The following C16orf87 variants were observed in gnomAD, a reference collection of about 807,000 sequenced individuals.
C16orf87 encodes HDAC and MIER1 interacting protein 1.
Under a neutral mutation model 21.0 loss-of-function variants are expected in C16orf87, and 13 were observed. That is an observed-to-expected ratio of 0.62 (90% confidence interval 0.40 to 0.98). C16orf87 has a LOEUF of 0.98. C16orf87 is among the 50% of genes least tolerant of loss of function. The pLI is 0.00. For missense variants in C16orf87, 113 were observed against 180.4 expected, an observed-to-expected ratio of 0.63 and a Z score of 2.14; for synonymous variants, 49 against 60.2, an observed-to-expected ratio of 0.81 and a Z score of 0.86.
chr16:46,813,145 T>A lies in C16orf87; in HGVS notation c.164-3360A>T, dbSNP rs549759609. On this transcript the variant is annotated intron_variant, in intron 2 of 3. Transcript: ENST00000285697. ...TGATGGCTCCAAAGTTTTCACCTTC[T>A]GCTCTGATTTCTTCCCTAAACTCTA... Among the ~76,000 whole-genome samples, 4 of 152,318 alleles carry A rather than the reference T, an allele frequency of 2.6e-5. No homozygotes were observed. In the South Asian group the frequency reaches 8.3e-4, roughly 32 times the overall value.
chr16:46,804,168 G>A, intron 3 of C16orf87, among the ~76,000 whole-genome samples: 1 of 152,088 alleles, frequency 6.6e-6, no homozygotes, highest in East Asian at 1.9e-4. Context: ...ATGTTTACAC[G>A]TATCAGGTAT....
At chr16:46,828,275 C>T (rs190095196) in intron 1 of C16orf87, among the ~76,000 whole-genome samples, 9 of 152,184 alleles carry the variant, frequency 5.9e-5, no homozygotes, top group Middle Eastern at 3.4e-3. Flanking sequence ...TTACAGAAAA[C>T]TCATTTATAT....
Position 46,798,405 on chromosome 16 carries a change from G to A in C16orf87, c.*4547C>T, listed in dbSNP as rs1464621045. ...CGCCTGTAATTCCAGCTACTCAGGA[G>A]GCTAAGGCAGGAGAATCGCTTGAAC... On this transcript the variant is annotated 3_prime_UTR_variant, in exon 4 of 4. Coordinates refer to ENST00000285697, the MANE Select transcript of C16orf87 (RefSeq NM_001001436.4). 6.6e-6 allele frequency: 1 copy of A among 152,378 alleles called. No homozygotes were observed. The highest frequency in any genetic ancestry group is 1.5e-5 in the Non-Finnish European group (1 of 68,204). The allele number at this position is 152,378 out of a possible 1,614,324, so 9.4% of individuals were successfully genotyped here. A position where few individuals can be genotyped will look rare whatever the true frequency, so the allele number is the denominator to read the frequency against.
intron 2 of C16orf87, among the ~76,000 whole-genome samples, chr16:46,815,537 TC>T (rs1358838207): frequency 6.6e-6 from 1 of 151,782 alleles, no homozygotes; most frequent in Non-Finnish European, 1.5e-5. Flanking sequence ...AATTTACAAG[TC>T]AACAACAACA....
Position 46,799,479 on chromosome 16 carries a change from G to C in C16orf87, c.*3473C>G, listed in dbSNP as rs533252892. The C allele has an allele frequency of 7.9e-5, 12 of 151,932 alleles. No homozygotes were observed. The highest frequency in any genetic ancestry group is 1.6e-4 in the Non-Finnish European group (11 of 67,980). 9.4% of individuals were successfully genotyped at this position (151,932 alleles called of 1,614,324 possible). On this transcript the variant is annotated 3_prime_UTR_variant, in exon 4 of 4. Transcript: ENST00000285697. ...AGGCTAGAAAGACAGAAAATACTAG[G>C]GAAAAAATGCTTTTAACTAGCAAGA...
At chr16:46,825,137 T>G (rs1959565967) in intron 1 of C16orf87, among the ~76,000 whole-genome samples, 1 of 152,244 alleles carries the variant, frequency 6.6e-6, no homozygotes, top group Non-Finnish European at 1.5e-5. Context: ...CCTAAAATGT[T>G]AGTTTGACAG....
At chr16:46,825,372 G>A (rs910941860) in intron 1 of C16orf87, among the ~76,000 whole-genome samples, 7 of 152,196 alleles carry the variant, frequency 4.6e-5, no homozygotes, top group African/African-American at 1.7e-4. Flanking sequence ...AACATGAGAG[G>A]AGAAGATATC....
chr16:46,824,185 A>G (rs1959527167), intron 2 of C16orf87, among the ~76,000 whole-genome samples: 1 of 152,238 alleles, frequency 6.6e-6, no homozygotes, highest in Admixed American at 6.5e-5. Context: ...AAGCGTTATC[A>G]GCATTGTAAG....
intron 3 of C16orf87, chr16:46,808,060 C>T (rs1334604795): frequency 2.2e-6 from 1 of 455,980 alleles, no homozygotes; most frequent in Admixed American, 2.3e-5. Context: ...TCTCTCTTTT[C>T]CTTTTTCTCT....
rs761250530 is a variant in C16orf87, at chr16:46,831,092, C to T, written c.58G>A (p.Asp20Asn). 3.7e-5 allele frequency: 58 copies of T among 1,572,384 alleles called. No individual in the cohort carries two copies. Among genetic ancestry groups the T allele is most frequent in the Admixed American group, 5.3e-5 (3 of 56,344 alleles). ...CGGCCCCCGGCACCCACCTGTTGGT[C>T]GCACTCGGGGCATGATTTGGTGGCC... Reference protein sequence around the residue: ...KMATKSCPECDQQVPVACKSC... With the variant: ...KMATKSCPECNQQVPVACKSC... Residue 20 changes from aspartate to asparagine, a missense_variant, in exon 1 of 4, where the codon GAC becomes AAC. Asp to Asn is a conservative substitution (Grantham distance 23). Coordinates refer to ENST00000285697, the MANE Select transcript of C16orf87 (RefSeq NM_001001436.4).
intron 3 of C16orf87, among the ~76,000 whole-genome samples, chr16:46,804,777 A>G (rs1169368924): frequency 6.6e-6 from 1 of 152,172 alleles, no homozygotes; most frequent in Non-Finnish European, 1.5e-5. Context: ...CTCTACACCT[A>G]CAAGCAACCA....
chr16:46,825,883 T>C (rs896000524), intron 1 of C16orf87, among the ~76,000 whole-genome samples: 21 of 142,970 alleles, frequency 1.5e-4, no homozygotes, highest in Non-Finnish European at 2.6e-4. Flanking sequence ...TATTGCACTC[T>C]AGCCTGGGCA....
chr16:46,825,285 A>C (rs973241031), intron 1 of C16orf87, among the ~76,000 whole-genome samples: 4 of 152,202 alleles, frequency 2.6e-5, no homozygotes, highest in African/African-American at 9.7e-5. Flanking sequence ...AGAGTTTCCA[A>C]GGCAAGAAAA....
At chr16:46,817,366 G>A (rs916291529) in intron 2 of C16orf87, among the ~76,000 whole-genome samples, 3 of 152,036 alleles carry the variant, frequency 2.0e-5, no homozygotes, top group African/African-American at 7.2e-5. Flanking sequence ...AAACATATGG[G>A]TAAAAAAGAA....
chr16:46,827,786 T>G (rs567830953), intron 1 of C16orf87, among the ~76,000 whole-genome samples: 1 of 152,080 alleles, frequency 6.6e-6, no homozygotes, highest in Admixed American at 6.5e-5. Flanking sequence ...TTTCACCATG[T>G]TGGCCAGGCT....
At position 46,800,725 on chromosome 16, in the gene C16orf87, G is replaced by A. The variant is rs1234224384; in HGVS notation, c.*2227C>T. 1 of 152,116 alleles carries A rather than the reference G, an allele frequency of 6.6e-6. No individual in the cohort carries two copies. Among genetic ancestry groups the A allele is most frequent in the Non-Finnish European group, 1.5e-5 (1 of 68,026 alleles). 9.4% of individuals were successfully genotyped at this position (152,116 alleles called of 1,614,324 possible). On this transcript the variant is annotated 3_prime_UTR_variant, in exon 4 of 4. Coordinates refer to ENST00000285697, the MANE Select transcript of C16orf87 (RefSeq NM_001001436.4). Reference sequence around the variant, plus strand: ...CACCAGTGACAAAGTAATATTTTCTGGGACCATTACAACATGCCTAGACAA... The same window carrying A: ...CACCAGTGACAAAGTAATATTTTCTAGGACCATTACAACATGCCTAGACAA...
In C16orf87 at chr16:46,809,489, G is replaced by A; in HGVS notation, c.346+114C>T. 1.4e-5 allele frequency: 9 copies of A among 641,110 alleles called. No homozygotes were observed. In the South Asian group the frequency reaches 2.0e-4, roughly 14 times the overall value. 39.7% of individuals were successfully genotyped at this position (641,110 alleles called of 1,614,324 possible). ...AGGAAATGCTTTCAAACTAAAATAT[G>A]AGTTGTGATTTTTAAGTCCAGGAGC... On this transcript the variant is annotated intron_variant, in intron 3 of 3. Coordinates refer to ENST00000285697, the MANE Select transcript of C16orf87 (RefSeq NM_001001436.4).
intron 1 of C16orf87, among the ~76,000 whole-genome samples, chr16:46,830,268 CAGAGAGAGAG>C (rs771471669): frequency 1.7e-4 from 10 of 59,642 alleles, no homozygotes; most frequent in South Asian, 8.8e-4. Flanking sequence ...GAGAGACAGA[CAGAGAGAGAG>C]AGAGAGAGAG....
At chr16:46,809,203 C>T (rs1968011061) in intron 3 of C16orf87, among the ~76,000 whole-genome samples, 1 of 151,596 alleles carries the variant, frequency 6.6e-6, no homozygotes, top group Non-Finnish European at 1.5e-5. Flanking sequence ...GGGAGAATCA[C>T]CGGAGCCCTG....
Sources: allele counts gnomAD v4.1 joint callset (sites outside exome capture counted in the v4.1 genomes callset), GRCh38; gene constraint gnomAD v4.1.1; transcripts MANE v1.5; gene names NCBI Gene and HGNC (gene_info 2026-07-23, HGNC 2026-07-21).